The following DENND1A variants were observed in gnomAD, a reference collection of about 807,000 sequenced individuals.
The protein encoded by DENND1A is DENN domain containing 1A.
A neutral mutation model predicts 113.7 loss-of-function variants in DENND1A; 51 were observed. The ratio of observed to expected loss-of-function variants is 0.45; its 90% CI spans 0.36 to 0.57. The LOEUF (loss-of-function observed/expected upper bound fraction) is 0.57. Ranked by LOEUF, DENND1A falls within the 20% of genes least tolerant of loss-of-function variation. DENND1A has a pLI of 0.00. For missense variants in DENND1A, 1,258 were observed against 1,395.9 expected (o/e 0.90, Z 1.57); for synonymous variants, 565 against 570.8 (o/e 0.99, Z 0.14).
intron 1 of DENND1A, among the ~76,000 whole-genome samples, chr9:123,900,451 A>C (rs1013075565): frequency 2.6e-5 from 4 of 152,224 alleles, no homozygotes; most frequent in African/African-American, 9.6e-5. Context: ...ATGATAACAA[A>C]GTGCCTTCAA....
chr9:123,693,708 T>A (rs2065315289), intron 5 of DENND1A, among the ~76,000 whole-genome samples: 1 of 152,012 alleles, frequency 6.6e-6, no homozygotes, highest in African/African-American at 2.4e-5. Context: ...CCCATGGTGC[T>A]AGCTGCCACT....
At chr9:123,886,305 C>A (rs1849074364) in intron 1 of DENND1A, among the ~76,000 whole-genome samples, 1 of 151,990 alleles carries the variant, frequency 6.6e-6, no homozygotes, top group Admixed American at 6.6e-5. Context: ...AACATTAACT[C>A]CTCATAAAAT....
In DENND1A at chr9:123,457,854, T is replaced by C. The variant is rs1459062729; in HGVS notation, c.1037A>G (p.Tyr346Cys). ...GAACTGCCTCATGGCTCCGGAGCGG[T>C]AGTGGGACACGAAGGCTTCCTCACA... ...TFCEEAFVSH[Y>C]RSGAMRQFLQ... is the part of the protein sequence containing the mutation. The change falls in exon 14 of 24, where the codon TAC becomes TGC. Residue 346 changes from tyrosine to cysteine, a missense_variant. By Grantham distance (194) the Tyr-to-Cys change is radical. This residue lies in a region of DENND1A where 1,159 missense variants were observed against 1,231.7 expected (regional missense o/e 0.94). Transcript: ENST00000394215. 1.2e-6 allele frequency: 2 copies of C among 1,612,664 alleles called. No individual in the cohort carries two copies. The highest frequency in any genetic ancestry group is 1.7e-5 in the Admixed American group (1 of 59,926).
chr9:123,442,531 C>T (rs1433110290), intron 18 of DENND1A, among the ~76,000 whole-genome samples: 2 of 151,912 alleles, frequency 1.3e-5, no homozygotes, highest in Non-Finnish European at 2.9e-5. Context: ...TAAGGTCAAA[C>T]ATGAACAAAT....
intron 5 of DENND1A, among the ~76,000 whole-genome samples, chr9:123,722,895 C>T (rs2067441879): frequency 6.6e-6 from 1 of 152,224 alleles, no homozygotes; most frequent in African/African-American, 2.4e-5. Flanking sequence ...TACTGAGGCA[C>T]TGCCTAGTGG....
In DENND1A at chr9:123,457,847, G is replaced by A. The variant is rs755753965; in HGVS notation, c.1044C>T (p.Ser348=). The A allele has an allele frequency of 2.4e-5, 39 of 1,612,680 alleles. No individual in the cohort carries two copies. Among genetic ancestry groups the A allele is most frequent in the African/African-American group, 5.3e-5 (4 of 74,876 alleles). Reference sequence around the variant, plus strand: ...TCTGCAGGAACTGCCTCATGGCTCCGGAGCGGTAGTGGGACACGAAGGCTT... The same window carrying A: ...TCTGCAGGAACTGCCTCATGGCTCCAGAGCGGTAGTGGGACACGAAGGCTT... The part of the protein sequence containing the change: ...CEEAFVSHYR[S]GAMRQFLQNA... The change falls in exon 14 of 24, where the codon TCC becomes TCT. Residue 348 remains serine (S), a synonymous_variant. Transcript: ENST00000394215.
At chr9:123,733,081 A>G (rs2068295142) in intron 5 of DENND1A, among the ~76,000 whole-genome samples, 1 of 152,022 alleles carries the variant, frequency 6.6e-6, no homozygotes, top group Admixed American at 6.5e-5. Context: ...TCCTGGGTTC[A>G]AGCAATTCTC....
chr9:123,774,167 T>C (rs1830139287), intron 3 of DENND1A, among the ~76,000 whole-genome samples: 1 of 152,108 alleles, frequency 6.6e-6, no homozygotes, highest in Non-Finnish European at 1.5e-5. Flanking sequence ...TTTAATACCA[T>C]AAGGGAAATG....
At chr9:123,607,622 T>C (rs1202082908) in intron 11 of DENND1A, among the ~76,000 whole-genome samples, 2 of 144,142 alleles carry the variant, frequency 1.4e-5, no homozygotes, top group African/African-American at 5.2e-5. Flanking sequence ...GAGACATCCG[T>C]AGTACATCCA....
intron 12 of DENND1A, among the ~76,000 whole-genome samples, chr9:123,568,658 C>A (rs1027280649): frequency 8.5e-5 from 13 of 152,154 alleles, no homozygotes; most frequent in Admixed American, 7.2e-4. Flanking sequence ...TTTGTCTCAG[C>A]CACAATCCTG....
intron 13 of DENND1A, among the ~76,000 whole-genome samples, chr9:123,556,702 C>G (rs1190542390): frequency 6.6e-6 from 1 of 152,272 alleles, no homozygotes; most frequent in Non-Finnish European, 1.5e-5. Context: ...CAGCCCTGTG[C>G]TCCTGGGAGA....
intron 6 of DENND1A, among the ~76,000 whole-genome samples, chr9:123,675,947 A>AT (rs2064052492): frequency 6.6e-6 from 1 of 152,260 alleles, no homozygotes; most frequent in South Asian, 2.1e-4. Flanking sequence ...TACACTTCTC[A>AT]TAACAGTAGA....
At chr9:123,684,480 T>C (rs1340720090) in intron 5 of DENND1A, among the ~76,000 whole-genome samples, 2 of 152,148 alleles carry the variant, frequency 1.3e-5, no homozygotes, top group Non-Finnish European at 2.9e-5. Flanking sequence ...AAGACACATC[T>C]TCTCCCCTAT....
chr9:123,586,917 T>G (rs1440718743), intron 11 of DENND1A, among the ~76,000 whole-genome samples: 2 of 152,016 alleles, frequency 1.3e-5, no homozygotes, highest in Non-Finnish European at 2.9e-5. Context: ...AAGTCAGAGC[T>G]AGGAAGCAGC....
intron 22 of DENND1A, among the ~76,000 whole-genome samples, chr9:123,387,331 G>T (rs898285618): frequency 6.6e-6 from 1 of 152,170 alleles, no homozygotes; most frequent in Non-Finnish European, 1.5e-5. Flanking sequence ...TATGAGGAAC[G>T]TTTTCTTTTT....
chr9:123,549,061 CTTATG>C (rs368454462), intron 13 of DENND1A, among the ~76,000 whole-genome samples: 27 of 152,316 alleles, frequency 1.8e-4, no homozygotes, highest in East Asian at 5.8e-4. Context: ...AATAGCACAT[CTTATG>C]TTATATGTAT....
intron 5 of DENND1A, among the ~76,000 whole-genome samples, chr9:123,727,765 A>G (rs1278622623): frequency 6.6e-6 from 1 of 152,214 alleles, no homozygotes; most frequent in African/African-American, 2.4e-5. Flanking sequence ...ATACAGGTGT[A>G]GGAACTGTAT....
At chr9:123,829,299 A>G (rs1019092085) in intron 2 of DENND1A, among the ~76,000 whole-genome samples, 1 of 152,184 alleles carries the variant, frequency 6.6e-6, no homozygotes, top group Non-Finnish European at 1.5e-5. Context: ...CAAATTAGTT[A>G]AAATACTTTA....
intron 12 of DENND1A, among the ~76,000 whole-genome samples, chr9:123,565,179 A>G (rs2057984920): frequency 6.6e-6 from 1 of 151,964 alleles, no homozygotes; most frequent in African/African-American, 2.4e-5. Flanking sequence ...TTTAGTGGAG[A>G]TGGAGTTTCA....
Sources: allele counts gnomAD v4.1 joint callset (sites outside exome capture counted in the v4.1 genomes callset), GRCh38; gene constraint gnomAD v4.1.1; regional missense constraint gnomAD v4.1.1; transcripts MANE v1.5; gene names NCBI Gene and HGNC (gene_info 2026-07-23, HGNC 2026-07-21).